Variants in RANBP3 observed in about 807,000 individuals in gnomAD.
RANBP3 encodes the protein ran-binding protein 3.
In RANBP3, 14 loss-of-function variants were observed where a neutral mutation model predicts 77.3. The ratio of observed to expected loss-of-function variants is 0.18; its 90% CI spans 0.12 to 0.28. RANBP3 has a LOEUF of 0.28. Ranked by LOEUF, RANBP3 falls within the 10% of genes least tolerant of loss-of-function variation. The pLI is 1.00. For missense variants in RANBP3, 586 were observed against 752.3 expected (o/e 0.78, Z 2.59); for synonymous variants, 315 against 312.4 (o/e 1.01, Z -0.09).
At chr19:5,929,422 G>A (rs148156409) in intron 8 of RANBP3, among the ~76,000 whole-genome samples, 84 of 152,316 alleles carry the variant, frequency 5.5e-4, no homozygotes, top group African/African-American at 2.0e-3. Context: ...TGCTAATCCC[G>A]GGTGGGTGGA....
Position 5,952,111 on chromosome 19 carries a change from C to T in RANBP3, c.79-515G>A, listed in dbSNP as rs895690969. ...CTCTCGCCGGGGTCAAGGGCTTCTG[C>T]CTCTCACTACAGTTCTTCTAGCACT... On this transcript the variant is annotated intron_variant, in intron 2 of 16. Coordinates refer to ENST00000340578, the MANE Select transcript of RANBP3 (RefSeq NM_007322.3). This position sits in a 1 kb window ranked among gnomAD's most constrained non-coding sequence, Gnocchi z 4.1. Among the ~76,000 whole-genome samples the T allele has an allele frequency of 6.6e-6, 1 of 152,064 alleles. No individual in the cohort carries two copies. The highest frequency in any genetic ancestry group is 2.4e-5 in the African/African-American group (1 of 41,348).
At chr19:5,929,996 C>T (rs989278528) in intron 8 of RANBP3, among the ~76,000 whole-genome samples, 1 of 152,238 alleles carries the variant, frequency 6.6e-6, no homozygotes, top group African/African-American at 2.4e-5. Context: ...GGCAGGAAGA[C>T]GGACTCCGTC....
At position 5,957,978 on chromosome 19, in the gene RANBP3, A is replaced by C; in HGVS notation, c.23-5T>G. ...GCGGAGCAATGGCAGGCTTTTCTGC[A>C]AAAAGAAAAATTAGTTTTTTTCCCC... On this transcript the variant is annotated splice_polypyrimidine_tract_variant and splice_region_variant and intron_variant, in intron 1 of 16. Transcript: ENST00000340578. 1 of 1,614,230 alleles carries C rather than the reference A, an allele frequency of 6.2e-7. No individual in the cohort carries two copies. Among genetic ancestry groups the C allele is most frequent in the Non-Finnish European group, 8.5e-7 (1 of 1,180,038 alleles).
intron 1 of RANBP3, among the ~76,000 whole-genome samples, 158 bp downstream of exon 1, chr19:5,977,903 G>A (rs1160110220): frequency 6.6e-6 from 1 of 152,156 alleles, no homozygotes; most frequent in Non-Finnish European, 1.5e-5. Flanking sequence ...GGCCTGAGGG[G>A]ACGCAATAGG....
chr19:5,923,858 G>A lies in RANBP3; in HGVS notation c.1053C>T (p.Ala351=), dbSNP rs34481266. The part of the protein sequence containing the change: ...SSDANRENAA[A]ESGSESSSQE... ...GGGACGAGGACTCAGACCCTGACTC[G>A]GCAGCTGCATTTTCCCTGTTGGCAT... Residue 351 remains alanine, a synonymous_variant, in exon 12 of 17, where the codon GCC becomes GCT. Transcript: ENST00000340578. 6.4e-4 allele frequency: 1,030 copies of A among 1,614,110 alleles called. 6 individuals are homozygous for A. In the African/African-American group the frequency reaches 0.011, roughly 18 times the overall value.
Position 5,921,867 on chromosome 19 carries a change from A to C in RANBP3, c.1210-546T>G, listed in dbSNP as rs1267723367. Among the ~76,000 whole-genome samples the C allele has an allele frequency of 6.6e-6, 1 of 152,250 alleles. No homozygotes were observed. Among genetic ancestry groups the C allele is most frequent in the African/African-American group, 2.4e-5 (1 of 41,464 alleles). Reference sequence around the variant, plus strand: ...TCCGCCCCTACAGCGCATCTCACTCAGTCTTAATAAAGAACAAGGCTCCGA... The same window carrying C: ...TCCGCCCCTACAGCGCATCTCACTCCGTCTTAATAAAGAACAAGGCTCCGA... On this transcript the variant is annotated intron_variant, in intron 13 of 16. Transcript: ENST00000340578. The surrounding 1 kb of genome is among the most constrained non-coding windows in gnomAD (Gnocchi z 5.3).
At chr19:5,967,482 G>A (rs910719871) in intron 1 of RANBP3, among the ~76,000 whole-genome samples, 2 of 152,092 alleles carry the variant, frequency 1.3e-5, no homozygotes, top group Non-Finnish European at 2.9e-5. Context: ...TCCGAGGTAG[G>A]TACTTTACAT....
chr19:5,925,750 C>A lies in RANBP3; in HGVS notation c.814-13G>T, dbSNP rs531886349. 1.2e-6 allele frequency: 2 copies of A among 1,606,824 alleles called. No individual in the cohort carries two copies. The highest frequency in any genetic ancestry group is 1.1e-5 in the South Asian group (1 of 90,934). ...TCTCATTTATCAGCTGGGAATGAGA[C>A]GGAGCGCTCAGTAATCGGGGGTGGG... On this transcript the variant is annotated splice_polypyrimidine_tract_variant and intron_variant, in intron 9 of 16. Transcript: ENST00000340578.
rs1411236816 is a variant in RANBP3, at chr19:5,978,085, T to C, written c.-3A>G. 2 of 1,610,762 alleles carry C rather than the reference T, an allele frequency of 1.2e-6. No homozygotes were observed. The highest frequency in any genetic ancestry group is 1.7e-6 in the Non-Finnish European group (2 of 1,178,678). On this transcript the variant is annotated 5_prime_UTR_variant, in exon 1 of 17. Coordinates refer to ENST00000340578, the MANE Select transcript of RANBP3 (RefSeq NM_007322.3). ...CCTTCGTTCGCCAGGTCCGCCATTT[T>C]ACTTCCTTAAGCCCTCCCACAAGGC...
Position 5,924,717 on chromosome 19 carries a change from C to T in RANBP3, c.996+110G>A. 1 of 1,105,636 alleles carries T rather than the reference C, an allele frequency of 9.0e-7. No homozygotes were observed. Among genetic ancestry groups the T allele is most frequent in the Non-Finnish European group, 1.4e-6 (1 of 726,566 alleles). The allele number at this position is 1,105,636 out of a possible 1,614,324, so 68.5% of individuals were successfully genotyped here. ...CTCTCTCACTTGCTACTGAAGGCAT[C>T]CCCATCTCACATAGGACGACACAGC... On this transcript the variant is annotated intron_variant, in intron 11 of 16. Coordinates refer to ENST00000340578, the MANE Select transcript of RANBP3 (RefSeq NM_007322.3). The surrounding 1 kb of genome is among the most constrained non-coding windows in gnomAD (Gnocchi z 4.7).
chr19:5,937,652 C>T (rs2058083767), intron 5 of RANBP3, among the ~76,000 whole-genome samples: 1 of 152,188 alleles, frequency 6.6e-6, no homozygotes, highest in South Asian at 2.1e-4. Flanking sequence ...GGCAGGCAGA[C>T]AAGGATGTGA....
intron 1 of RANBP3, among the ~76,000 whole-genome samples, chr19:5,960,690 G>A (rs1405479046): frequency 6.6e-6 from 1 of 152,234 alleles, no homozygotes; most frequent in Non-Finnish European, 1.5e-5. Context: ...CATTTGGATG[G>A]GAGAGGAGTG....
intron 1 of RANBP3, among the ~76,000 whole-genome samples, chr19:5,960,891 C>T (rs770772405): frequency 1.3e-4 from 20 of 152,128 alleles, no homozygotes; most frequent in Non-Finnish European, 2.6e-4. Flanking sequence ...CTGTCCTGTG[C>T]CTGGACATGT....
Position 5,958,058 on chromosome 19 carries a change from C to CAT in RANBP3, c.23-87_23-86dup. 8.2e-7 allele frequency: 1 copy of CAT among 1,222,480 alleles called. No individual in the cohort carries two copies. The highest frequency in any genetic ancestry group is 1.2e-6 in the Non-Finnish European group (1 of 837,982). 75.7% of individuals were successfully genotyped at this position (1,222,480 alleles called of 1,614,324 possible). A position where few individuals can be genotyped will look rare whatever the true frequency, so the allele number is the denominator to read the frequency against. On this transcript the variant is annotated intron_variant, in intron 1 of 16. Transcript: ENST00000340578. This position sits in a 1 kb window ranked among gnomAD's most constrained non-coding sequence, Gnocchi z 4.4. ...CTACACTTGTTTGTAATATGTTAAA[C>CAT]ATATATATAAATGAAACTAGTAACT...
rs78364476 is a variant in RANBP3 at position 5,944,958 on chromosome 19, C to A, written c.283-3123G>T. 1.3e-3 allele frequency among the ~76,000 whole-genome samples: 195 copies of A among 152,284 alleles called. 5 individuals are homozygous for A. In the East Asian group the frequency reaches 0.035, roughly 28 times the overall value. On this transcript the variant is annotated intron_variant, in intron 3 of 16. Transcript: ENST00000340578. ...CTTCTGGGACCAGGAGATGGCCATA[C>A]CCTCTCTGGCCTCTGTAGACGACCT...
intron 3 of RANBP3, among the ~76,000 whole-genome samples, chr19:5,945,015 C>T (rs541765036): frequency 2.6e-5 from 4 of 152,322 alleles, no homozygotes; most frequent in African/African-American, 9.6e-5. Flanking sequence ...CTCCTTTTCC[C>T]TCAAGCGAGA....
intron 10 of RANBP3, 98 bp from the exon 11 acceptor site, chr19:5,925,003 C>G: frequency 1.8e-6 from 2 of 1,118,942 alleles, no homozygotes; most frequent in East Asian, 2.4e-5. Context: ...ACAGAGGGCA[C>G]AGTGGAGGGG....
rs777837672 is a variant in RANBP3, at chr19:5,932,519, C to T, written c.498G>A (p.Glu166=). 6.2e-6 allele frequency: 10 copies of T among 1,613,846 alleles called. No individual in the cohort carries two copies. In the South Asian group the frequency reaches 9.9e-5, roughly 16 times the overall value. ...CCGGGCGAAGCACGCTCCGCTGCTG[C>T]TCCTTGGGCTTCTGGCTTGGCAGAC... The part of the protein sequence containing the change: ...SAGLPSQKPK[E]QQRSVLRPAV... Residue 166 remains glutamate (E), a synonymous_variant, in exon 7 of 17, where the codon GAG becomes GAA. Coordinates refer to ENST00000340578, the MANE Select transcript of RANBP3 (RefSeq NM_007322.3).
intron 5 of RANBP3, among the ~76,000 whole-genome samples, chr19:5,937,573 A>G (rs2058082996): frequency 6.6e-6 from 1 of 152,222 alleles, no homozygotes; most frequent in Admixed American, 6.5e-5. Flanking sequence ...TGGGGTCTTC[A>G]GACAAAAGGG....
Sources: allele counts gnomAD v4.1 joint callset (sites outside exome capture counted in the v4.1 genomes callset), GRCh38; gene constraint gnomAD v4.1.1; non-coding constraint Gnocchi (gnomAD v3.1); transcripts MANE v1.5; gene names NCBI Gene and HGNC (gene_info 2026-07-23, HGNC 2026-07-21).